Variants in ZBTB49 observed in about 807,000 individuals in gnomAD.
ZBTB49 encodes zinc finger and BTB domain containing 49.
A neutral mutation model predicts 57.5 loss-of-function variants in ZBTB49; 43 were observed. The observed-to-expected ratio is 0.75, with a 90% confidence interval of 0.59 to 0.97. The LOEUF (loss-of-function observed/expected upper bound fraction) is 0.97, where lower values mean the gene tolerates loss of function less well. Ranked by LOEUF, ZBTB49 falls within the 50% of genes least tolerant of loss-of-function variation. ZBTB49 has a pLI of 0.00. For missense variants in ZBTB49, 938 were observed against 947.7 expected, an observed-to-expected ratio of 0.99 and a Z score of 0.13; for synonymous variants, 369 against 362.1, an observed-to-expected ratio of 1.02 and a Z score of -0.22.
At chr4:4,310,735 G>C (rs372485558) in intron 4 of ZBTB49, among the ~76,000 whole-genome samples, 4 of 150,738 alleles carry the variant, frequency 2.7e-5, no homozygotes, top group African/African-American at 9.8e-5. Flanking sequence ...TAGCCAGGAT[G>C]GTCTCGATCT....
intron 4 of ZBTB49, among the ~76,000 whole-genome samples, chr4:4,309,049 T>C (rs1159762737): frequency 6.6e-6 from 1 of 152,238 alleles, no homozygotes; most frequent in Non-Finnish European, 1.5e-5. Flanking sequence ...TGCCTAACAT[T>C]ATTTTCTTGT....
chr4:4,310,045 G>A (rs560871579), intron 4 of ZBTB49, among the ~76,000 whole-genome samples: 188 of 152,190 alleles, frequency 1.2e-3, no homozygotes, highest in Middle Eastern at 0.01. Context: ...CTCAACTGCC[G>A]TTAAGAGTGC....
intron 1 of ZBTB49, among the ~76,000 whole-genome samples, chr4:4,295,827 T>G: frequency 6.6e-6 from 1 of 152,154 alleles, no homozygotes. Flanking sequence ...CATAAAGAGA[T>G]GAGGGGAATC....
chr4:4,307,934 A>G (rs75512275), intron 4 of ZBTB49, among the ~76,000 whole-genome samples: 8,855 of 152,244 alleles, frequency 0.058, 715 homozygotes, highest in East Asian at 0.34. Context: ...CTGACTCTCC[A>G]TAGCTGACCA....
intron 7 of ZBTB49, among the ~76,000 whole-genome samples, chr4:4,318,932 T>G (rs1377124851): frequency 6.9e-6 from 1 of 145,090 alleles, no homozygotes; most frequent in Non-Finnish European, 1.5e-5. Context: ...TCTTTGTTGC[T>G]CATGCTGCAG....
intron 3 of ZBTB49, 149 bp downstream of exon 3, chr4:4,303,240 G>T: frequency 1.0e-6 from 1 of 999,128 alleles, no homozygotes; most frequent in Non-Finnish European, 1.4e-6. Flanking sequence ...ACTACTTTTT[G>T]TTTTATATTT....
At chr4:4,315,445 T>C (rs1433126219) in intron 5 of ZBTB49, among the ~76,000 whole-genome samples, 191 bp from the exon 6 acceptor site, 1 of 152,048 alleles carries the variant, frequency 6.6e-6, no homozygotes, top group Non-Finnish European at 1.5e-5. Context: ...GACACTTGCA[T>C]CATGTTCTGC....
chr4:4,310,905 A>G (rs533660883), intron 4 of ZBTB49, among the ~76,000 whole-genome samples: 41 of 152,282 alleles, frequency 2.7e-4, no homozygotes, highest in Non-Finnish European at 4.3e-4. Flanking sequence ...ACTAGAATAT[A>G]TCAAAAGTTT....
At position 4,320,509 on chromosome 4, in the gene ZBTB49, A is replaced by G. The variant is rs1222047166; in HGVS notation, c.1622-131A>G. ...ATGTATATTAGCCAGGCGTGGTGTC[A>G]TGCGCCTGTCGTCCCAGCTACTTGA... On this transcript the variant is annotated intron_variant, in intron 7 of 7. Transcript: ENST00000337872. 3.7e-6 allele frequency: 4 copies of G among 1,068,234 alleles called. No individual in the cohort carries two copies. The South Asian group carries it at 4.6e-5, about 12-fold the overall frequency. The allele number at this position is 1,068,234 out of a possible 1,614,324, so 66.2% of individuals were successfully genotyped here.
intron 1 of ZBTB49, among the ~76,000 whole-genome samples, chr4:4,297,310 T>TC (rs936468603): frequency 8.5e-5 from 13 of 152,118 alleles, no homozygotes; most frequent in African/African-American, 2.2e-4. Context: ...CCTCAGGTGA[T>TC]CCCCCCACCT....
chr4:4,311,231 A>T lies in ZBTB49; in HGVS notation c.1303-1810A>T, dbSNP rs561289667. Among the ~76,000 whole-genome samples the T allele has an allele frequency of 9.8e-5, 15 of 152,348 alleles. No homozygotes were observed. In the East Asian group the frequency reaches 2.9e-3, roughly 29 times the overall value. ...AAGTAATCGTTATGCCATTTTTAAA[A>T]AGGAAAAATGCAACATTGCTAAGAA... On this transcript the variant is annotated intron_variant, in intron 4 of 7. Transcript: ENST00000337872.
In ZBTB49 at chr4:4,301,992, C is replaced by G. The variant is rs746963054; in HGVS notation, c.156C>G (p.Ser52Arg). Residue 52 changes from serine to arginine, a missense_variant, in exon 3 of 8, where the codon AGC (serine) becomes AGG (arginine). By Grantham distance (110) the Ser-to-Arg change is moderately radical. Transcript: ENST00000337872. ...VLAAFSQYFR[S>R]LFQNSSSQKN... Reference sequence around the variant, plus strand: ...CAGATATTCTTTCTTTTACCAGGAGCCTCTTTCAGAATTCTTCAAGCCAGA... The same window carrying G: ...CAGATATTCTTTCTTTTACCAGGAGGCTCTTTCAGAATTCTTCAAGCCAGA... 1.3e-6 allele frequency: 2 copies of G among 1,521,262 alleles called. No homozygotes were observed. Among genetic ancestry groups the G allele is most frequent in the Admixed American group, 2.2e-5 (1 of 46,116 alleles). 94.2% of individuals were successfully genotyped at this position (1,521,262 alleles called of 1,614,324 possible).
intron 4 of ZBTB49, among the ~76,000 whole-genome samples, chr4:4,307,180 G>T (rs371491509): frequency 7.9e-5 from 12 of 152,310 alleles, no homozygotes; most frequent in East Asian, 3.9e-4. Flanking sequence ...TCGCGTACTC[G>T]GTCGGGTCAT....
intron 4 of ZBTB49, among the ~76,000 whole-genome samples, chr4:4,309,861 G>A (rs571571343): frequency 6.6e-6 from 1 of 152,300 alleles, no homozygotes; most frequent in African/African-American, 2.4e-5. Context: ...TATCAAAATA[G>A]CAGTCATTGT....
chr4:4,297,508 G>A (rs1720266677), intron 1 of ZBTB49, among the ~76,000 whole-genome samples: 1 of 152,144 alleles, frequency 6.6e-6, no homozygotes. Context: ...CATGGGGCTG[G>A]GTGCAGTGGC....
At chr4:4,300,965 C>A (rs1720447505) in intron 2 of ZBTB49, among the ~76,000 whole-genome samples, 1 of 151,902 alleles carries the variant, frequency 6.6e-6, no homozygotes, top group Non-Finnish European at 1.5e-5. Context: ...CCTTGATAAT[C>A]CTGAATCATC....
At chr4:4,312,559 G>T (rs959992694) in intron 4 of ZBTB49, among the ~76,000 whole-genome samples, 1 of 152,166 alleles carries the variant, frequency 6.6e-6, no homozygotes, top group African/African-American at 2.4e-5. Flanking sequence ...ACTTGCCAGA[G>T]GAAGTACTTT....
At chr4:4,312,682 G>A (rs142807893) in intron 4 of ZBTB49, among the ~76,000 whole-genome samples, 13 of 152,304 alleles carry the variant, frequency 8.5e-5, no homozygotes, top group Non-Finnish European at 1.5e-4. Context: ...TTAAATACAT[G>A]GCCCAAATAA....
intron 1 of ZBTB49, among the ~76,000 whole-genome samples, chr4:4,290,591 G>A (rs1462108255): frequency 6.6e-6 from 1 of 152,212 alleles, no homozygotes; most frequent in Non-Finnish European, 1.5e-5. Flanking sequence ...CCAGGTTCCG[G>A]GCCTGGGAGC....
Sources: allele counts gnomAD v4.1 joint callset (sites outside exome capture counted in the v4.1 genomes callset), GRCh38; gene constraint gnomAD v4.1.1; transcripts MANE v1.5; gene names NCBI Gene and HGNC (gene_info 2026-07-23, HGNC 2026-07-21).